POU2F2: variants seen among roughly 807,000 people sequenced by gnomAD.
POU2F2 encodes POU domain, class 2, transcription factor 2.
Under a neutral mutation model 63.5 loss-of-function variants are expected in POU2F2, and 14 were observed. The ratio of observed to expected loss-of-function variants is 0.22; its 90% CI spans 0.15 to 0.34. The LOEUF (loss-of-function observed/expected upper bound fraction) is 0.34. Ranked by LOEUF, POU2F2 falls within the 10% of genes least tolerant of loss-of-function variation. The pLI is 1.00. For synonymous variants in POU2F2, 306 were observed against 348.6 expected (o/e 0.88, Z 1.36); for missense variants, 607 against 815.2 (o/e 0.74, Z 3.11).
intron 1 of POU2F2, among the ~76,000 whole-genome samples, chr19:42,194,195 C>A (rs571005665): frequency 1.4e-4 from 21 of 151,096 alleles, no homozygotes; most frequent in Admixed American, 2.0e-4. Flanking sequence ...CCAGCCTGGG[C>A]AACATAGTGA....
At chr19:42,192,985 C>A (rs2035089979) in intron 1 of POU2F2, among the ~76,000 whole-genome samples, 2 of 151,828 alleles carry the variant, frequency 1.3e-5, no homozygotes. Flanking sequence ...CTTTGGGAGG[C>A]TGAGGCGGGC....
chr19:42,182,343 G>A (rs1415030144), intron 1 of POU2F2, among the ~76,000 whole-genome samples: 1 of 151,982 alleles, frequency 6.6e-6, no homozygotes, highest in Non-Finnish European at 1.5e-5. Context: ...CAGGCAGAGG[G>A]AGATGTGGTG....
rs2034711992 is a variant in POU2F2, at chr19:42,169,330, C to T, written c.-70+6633G>A. Reference sequence around the variant, plus strand: ...GTACATTTTCTATTGAAAAACAAATCTCCACACGAGGAGCACCCTGGTGTT... The same window carrying T: ...GTACATTTTCTATTGAAAAACAAATTTCCACACGAGGAGCACCCTGGTGTT... On this transcript the variant is annotated intron_variant, in intron 1 of 6. Coordinates refer to the POU2F2 transcript ENST00000524801. The surrounding 1 kb of genome is among the most constrained non-coding windows in gnomAD (Gnocchi z 4.3). 6.6e-6 allele frequency among the ~76,000 whole-genome samples: 1 copy of T among 152,208 alleles called. No individual in the cohort carries two copies. Among genetic ancestry groups the T allele is most frequent in the Admixed American group, 6.5e-5 (1 of 15,286 alleles).
chr19:42,188,833 A>G (rs930902040), intron 1 of POU2F2, among the ~76,000 whole-genome samples: 2 of 149,628 alleles, frequency 1.3e-5, no homozygotes, highest in African/African-American at 4.9e-5. Flanking sequence ...GAGAGGAAGA[A>G]AAAAGAAAGA....
intron 5 of POU2F2, among the ~76,000 whole-genome samples, chr19:42,108,545 AG>A (rs2030524014): frequency 6.6e-6 from 1 of 152,202 alleles, no homozygotes; most frequent in Non-Finnish European, 1.5e-5. Context: ...ACTGCACTCC[AG>A]CTTGGGTGAC....
Position 42,162,492 on chromosome 19 carries a change from C to T in POU2F2, c.-69-2100G>A, listed in dbSNP as rs562088886. 9.2e-5 allele frequency among the ~76,000 whole-genome samples: 14 copies of T among 152,256 alleles called. No individual in the cohort carries two copies. The highest frequency in any genetic ancestry group is 2.9e-4 in the African/African-American group (12 of 41,544). On this transcript the variant is annotated intron_variant, in intron 1 of 6. Transcript: ENST00000524801. The surrounding 1 kb of genome is among the most constrained non-coding windows in gnomAD (Gnocchi z 4.1). ...CAGCAGCTGGCCCACAGTTACCAGG[C>T]ACAGGAAGAGTGGGAGCCAGAATTT...
In POU2F2 at chr19:42,155,774, C is replaced by T. The variant is rs983678719; in HGVS notation, c.-9+4558G>A. On this transcript the variant is annotated intron_variant, in intron 2 of 6. Coordinates refer to the POU2F2 transcript ENST00000524801. The surrounding 1 kb of genome is among the most constrained non-coding windows in gnomAD (Gnocchi z 4.2). ...CTCTCTCTGGAGACAAAAGCTAAGA[C>T]TCAACCCACAGGCAACACTCAACAC... The T allele has an allele frequency of 2.6e-5, 4 of 152,300 alleles. No homozygotes were observed. Among genetic ancestry groups the T allele is most frequent in the African/African-American group, 9.7e-5 (4 of 41,428 alleles). 9.4% of individuals were successfully genotyped at this position (152,300 alleles called of 1,614,324 possible).
chr19:42,177,677 G>A (rs1266908314), upstream of POU2F2, among the ~76,000 whole-genome samples: 1 of 150,318 alleles, frequency 6.7e-6, no homozygotes, highest in Non-Finnish European at 1.5e-5. Flanking sequence ...GACACACAGA[G>A]ACACAGAGAC....
Position 42,095,775 on chromosome 19 carries a change from A to T in POU2F2, c.871+13T>A. ...TGCCCGCCCCCTACGCGGGAACCCC[A>T]GCCTGGTCCCACCTGCATCGTTGAG... On this transcript the variant is annotated intron_variant, in intron 9 of 14. Coordinates refer to ENST00000692977, the MANE Select transcript of POU2F2 (RefSeq NM_001394376.1). The surrounding 1 kb of genome is among the most constrained non-coding windows in gnomAD (Gnocchi z 7.1). 6.2e-7 allele frequency: 1 copy of T among 1,613,890 alleles called. No individual in the cohort carries two copies. Among genetic ancestry groups the T allele is most frequent in the East Asian group, 2.2e-5 (1 of 44,858 alleles).
Position 42,096,578 on chromosome 19 carries a change from C to G in POU2F2, c.568-335G>C, listed in dbSNP as rs2076930554. 6.6e-6 allele frequency among the ~76,000 whole-genome samples: 1 copy of G among 152,218 alleles called. No individual in the cohort carries two copies. The highest frequency in any genetic ancestry group is 2.4e-5 in the African/African-American group (1 of 41,446). ...CCTGGAGCTGGAGGCAGTGGTTCAT[C>G]CTCATCTCAACCTGGGAATCAGGGA... is the stretch of plus-strand genomic sequence containing the variant. On this transcript the variant is annotated intron_variant, in intron 7 of 14. Coordinates refer to ENST00000692977, the MANE Select transcript of POU2F2 (RefSeq NM_001394376.1). This position sits in a 1 kb window ranked among gnomAD's most constrained non-coding sequence, Gnocchi z 4.1.
Position 42,093,956 on chromosome 19 carries a change from C to A in POU2F2, c.1198-61G>T, listed in dbSNP as rs1030967560. The A allele has an allele frequency of 2.1e-6, 3 of 1,426,232 alleles. No homozygotes were observed. The African/African-American group carries it at 4.2e-5, about 20-fold the overall frequency. The allele number at this position is 1,426,232 out of a possible 1,614,324, so 88.3% of individuals were successfully genotyped here. On this transcript the variant is annotated intron_variant, in intron 11 of 14. Transcript: ENST00000692977. ...GTCTGCCAGCAGCCCCCGTGATGCTCCCTGTAGGACCCCACTCCTCCGTCC... is the reference window on the plus strand; with the variant it reads ...GTCTGCCAGCAGCCCCCGTGATGCTACCTGTAGGACCCCACTCCTCCGTCC...
At chr19:42,126,442 CAAA>C (rs112862678) in intron 1 of POU2F2, among the ~76,000 whole-genome samples, 6 of 99,730 alleles carry the variant, frequency 6.0e-5, no homozygotes, top group Non-Finnish European at 8.3e-5. Context: ...GACTCCATCT[CAAA>C]AAAAAAAAAA....
intron 5 of POU2F2, chr19:42,110,635 G>A (rs2030936900): frequency 2.3e-6 from 1 of 437,332 alleles, no homozygotes; most frequent in African/African-American, 2.0e-5. Flanking sequence ...AAGTTGTTAT[G>A]GAGAGACCTG....
chr19:42,184,038 CCTCT>C (rs1312060179), intron 1 of POU2F2, among the ~76,000 whole-genome samples: 1 of 149,194 alleles, frequency 6.7e-6, no homozygotes, highest in Non-Finnish European at 1.5e-5. Context: ...CTCTCTCCTC[CCTCT>C]GTCATCCAGG....
chr19:42,146,316 T>G (rs1046307507), intron 2 of POU2F2, among the ~76,000 whole-genome samples: 5 of 152,198 alleles, frequency 3.3e-5, no homozygotes, highest in Non-Finnish European at 5.9e-5. Flanking sequence ...CCTCAAACCC[T>G]TGCCCACCCT....
rs1302061267 is a variant in POU2F2 at position 42,091,391 on chromosome 19, T to G, written c.1741A>C (p.Ile581Leu). 9 of 1,544,238 alleles carry G rather than the reference T, an allele frequency of 5.8e-6. No homozygotes were observed. The highest frequency in any genetic ancestry group is 1.4e-5 in the African/African-American group (1 of 72,966). ...GAGAGGCCAGGAGACTTGCTGGAGA[T>G]GGAGGCTGCCACAGCCGCAGCCGCT... is the stretch of plus-strand genomic sequence containing the variant. ...SAAAAAVAAS[I>L]SSKSPGLSSS... The change falls in exon 15 of 15, where the codon ATC (isoleucine) becomes CTC (leucine). Residue 581 changes from isoleucine (I) to leucine (L), a missense_variant. Ile to Leu is a conservative substitution (Grantham distance 5, BLOSUM62 2). Around this residue, in one of 7 missense-constraint regions of POU2F2, gnomAD observed 270 missense variants for 307.5 expected, o/e 0.88. Coordinates refer to ENST00000692977, the MANE Select transcript of POU2F2 (RefSeq NM_001394376.1).
Position 42,099,532 on chromosome 19 carries a change from T to G in POU2F2, c.562A>C (p.Thr188Pro), listed in dbSNP as rs1285642333. Residue 188 changes from threonine to proline, a missense_variant, in exon 7 of 15, where the codon ACA becomes CCA. By Grantham distance (38) the Thr-to-Pro change is conservative. Transcript: ENST00000692977. ...LTSQPRAGLP[T>P]QAVTRPTLPD... The stretch of plus-strand genomic sequence containing the variant: ...CACTCAATGGACAGTCTCACCTGTG[T>G]GGGAAGCCCGGCCCGGGGCTGGGAG... 6.2e-7 allele frequency: 1 copy of G among 1,610,756 alleles called. No homozygotes were observed. Among genetic ancestry groups the G allele is most frequent in the Admixed American group, 1.7e-5 (1 of 60,020 alleles).
At chr19:42,119,026 T>C (rs1450372260) in intron 4 of POU2F2, among the ~76,000 whole-genome samples, 1 of 152,072 alleles carries the variant, frequency 6.6e-6, no homozygotes, top group African/African-American at 2.4e-5. Context: ...TGGTGGTTCA[T>C]GCCTGTAATC....
Position 42,117,238 on chromosome 19 carries a change from C to T in POU2F2, c.369+12G>A, listed in dbSNP as rs759044392. The T allele has an allele frequency of 2.0e-6, 3 of 1,471,606 alleles. No homozygotes were observed. The South Asian group carries it at 4.5e-5, about 22-fold the overall frequency. The allele number at this position is 1,471,606 out of a possible 1,614,324, so 91.2% of individuals were successfully genotyped here. ...TTTGTCCCCTCGTCCCCATCCTTCC[C>T]CAAGTACTTACCCCAGCTAGCTGGC... On this transcript the variant is annotated intron_variant, in intron 5 of 14. Transcript: ENST00000692977. The surrounding 1 kb of genome is among the most constrained non-coding windows in gnomAD (Gnocchi z 4.4).
Sources: gnomAD v4.1 joint callset for allele counts (sites outside exome capture counted in the v4.1 genomes callset) on GRCh38, gnomAD v4.1.1 for gene constraint, gnomAD v4.1.1 regional missense constraint, Gnocchi (gnomAD v3.1) non-coding constraint, MANE v1.5 for transcripts, NCBI Gene and HGNC (gene_info 2026-07-23, HGNC 2026-07-21) for gene names.